Variants in BAZ2B observed in about 807,000 individuals in gnomAD.
The protein encoded by BAZ2B is bromodomain adjacent to zinc finger domain 2B, also known as bromodomain adjacent to zinc finger domain protein 2B.
Under a neutral mutation model 246.0 loss-of-function variants are expected in BAZ2B, and 91 were observed. The ratio of observed to expected loss-of-function variants is 0.37; its 90% CI spans 0.31 to 0.44. The LOEUF (loss-of-function observed/expected upper bound fraction) is 0.44, where lower values mean the gene tolerates loss of function less well. BAZ2B is among the 20% of genes least tolerant of loss of function. The probability of loss-of-function intolerance (pLI) is 1.00; values close to 1 mark genes in which losing one functional copy is unlikely to be tolerated. For synonymous variants in BAZ2B, 855 were observed against 860.0 expected (o/e 0.99, Z 0.10); for missense variants, 2,332 against 2,533.7 (o/e 0.92, Z 1.71).
At chr2:159,561,505 C>T (rs74572509) in intron 1 of BAZ2B, among the ~76,000 whole-genome samples, 141 of 152,288 alleles carry the variant, frequency 9.3e-4, no homozygotes, top group Middle Eastern at 3.4e-3. Context: ...TAGAGCAACA[C>T]AAAATAGACT....
At chr2:159,562,663 A>G (rs2089989745) in intron 1 of BAZ2B, among the ~76,000 whole-genome samples, 1 of 152,200 alleles carries the variant, frequency 6.6e-6, no homozygotes, top group Non-Finnish European at 1.5e-5. Flanking sequence ...TTTTAGTTAT[A>G]TATACTTTTA....
the BAZ2B span, among the ~76,000 whole-genome samples, chr2:159,658,354 G>A: frequency 2.6e-5 from 4 of 151,894 alleles, no homozygotes; most frequent in African/African-American, 4.8e-5. Flanking sequence ...TTTTTTCTGC[G>A]ACTGGGTCTC....
the BAZ2B span, among the ~76,000 whole-genome samples, chr2:159,628,286 C>G: frequency 6.6e-6 from 1 of 152,298 alleles, no homozygotes; most frequent in Middle Eastern, 3.4e-3. Flanking sequence ...ATCAAGCTAC[C>G]AGTGACTTTC....
At chr2:159,570,910 G>C (rs1187451042) in intron 1 of BAZ2B, among the ~76,000 whole-genome samples, 1 of 152,090 alleles carries the variant, frequency 6.6e-6, no homozygotes, top group African/African-American at 2.4e-5. Context: ...CTGGAGTGCA[G>C]TGGCACAATC....
At chr2:159,588,226 A>AAC (rs1553738343) in intron 1 of BAZ2B, among the ~76,000 whole-genome samples, 5 of 151,720 alleles carry the variant, frequency 3.3e-5, no homozygotes, top group African/African-American at 1.2e-4. Flanking sequence ...AAAAAAAAAA[A>AAC]AAAAAACCCC....
chr2:159,604,183 AT>A (rs1274741600), intron 1 of BAZ2B, among the ~76,000 whole-genome samples: 5 of 152,216 alleles, frequency 3.3e-5, no homozygotes, highest in Non-Finnish European at 5.9e-5. Context: ...AAACAGGCAA[AT>A]GACACAAATA....
chr2:159,566,568 C>CAACA (rs1219281047), intron 1 of BAZ2B, among the ~76,000 whole-genome samples: 151 of 152,340 alleles, frequency 9.9e-4, no homozygotes, highest in African/African-American at 3.4e-3. Flanking sequence ...CACCACCTTA[C>CAACA]AACAGGAGGC....
intron 2 of BAZ2B, among the ~76,000 whole-genome samples, chr2:159,490,792 G>T (rs1436106056): frequency 4.6e-5 from 7 of 152,144 alleles, no homozygotes; most frequent in Non-Finnish European, 1.0e-4. Context: ...GACACATAAA[G>T]AAATTAACAT....
At chr2:159,451,406 A>T (rs13002278) in intron 4 of BAZ2B, among the ~76,000 whole-genome samples, 2 of 152,062 alleles carry the variant, frequency 1.3e-5, no homozygotes, top group East Asian at 1.9e-4. Flanking sequence ...TTTACTGGGC[A>T]ATTTAAAAGT....
intron 2 of BAZ2B, among the ~76,000 whole-genome samples, chr2:159,508,803 C>T (rs2082605910): frequency 6.6e-6 from 1 of 152,086 alleles, no homozygotes; most frequent in African/African-American, 2.4e-5. Context: ...CAGGATGACC[C>T]ATTATATCTG....
At chr2:159,462,589 T>C (rs879020850) in intron 3 of BAZ2B, 4 of 873,266 alleles carry the variant, frequency 4.6e-6, no homozygotes, top group African/African-American at 3.3e-5. Context: ...TGGCAGTTTG[T>C]GCGTCATTCG....
the BAZ2B span, among the ~76,000 whole-genome samples, chr2:159,640,916 A>G: frequency 0.041 from 6,302 of 152,054 alleles, 417 homozygotes; most frequent in African/African-American, 0.14. Context: ...AATAAATGAA[A>G]TAGAAATGAA....
At position 159,405,096 on chromosome 2, in the gene BAZ2B, G is replaced by A; in HGVS notation, c.2696C>T (p.Ala899Val). 6.2e-7 allele frequency: 1 copy of A among 1,613,920 alleles called. No homozygotes were observed. Among genetic ancestry groups the A allele is most frequent in the Non-Finnish European group, 8.5e-7 (1 of 1,179,960 alleles). Residue 899 changes from alanine to valine, a missense_variant, in exon 15 of 37, where the codon GCA becomes GTA. Ala to Val is a moderately conservative substitution (Grantham distance 64). This residue lies in a region of BAZ2B where 651 missense variants were observed against 650.9 expected (regional missense o/e 1.00). Coordinates refer to ENST00000392783, the MANE Select transcript of BAZ2B (RefSeq NM_013450.4). ...LQAQEIARQA[A>V]QIKLLRKLQK... Reference sequence around the variant, plus strand: ...AAGTTTTCTCAAAAGCTTTATTTGTGCTGCTTGCCTGGCTATTTCTGAAAA... The same window carrying A: ...AAGTTTTCTCAAAAGCTTTATTTGTACTGCTTGCCTGGCTATTTCTGAAAA...
At chr2:159,400,405 G>A (rs956255884) in intron 17 of BAZ2B, among the ~76,000 whole-genome samples, 194 bp downstream of exon 17, 1 of 152,048 alleles carries the variant, frequency 6.6e-6, no homozygotes, top group African/African-American at 2.4e-5. Context: ...GCCTCATTTT[G>A]TATATCTTTA....
chr2:159,679,699 C>T, the BAZ2B span, among the ~76,000 whole-genome samples: 5 of 152,122 alleles, frequency 3.3e-5, no homozygotes, highest in Non-Finnish European at 5.9e-5. Context: ...ATTAAGAAGA[C>T]AATTATTCAT....
At chr2:159,441,750 A>C (rs1050952397) in intron 6 of BAZ2B, among the ~76,000 whole-genome samples, 2 of 152,166 alleles carry the variant, frequency 1.3e-5, no homozygotes, top group African/African-American at 4.8e-5. Flanking sequence ...CCTGGGCTCA[A>C]GCGATTCTCC....
At chr2:159,327,516 T>A (rs2063891075) in intron 34 of BAZ2B, among the ~76,000 whole-genome samples, 2 of 152,208 alleles carry the variant, frequency 1.3e-5, no homozygotes, top group Admixed American at 1.3e-4. Flanking sequence ...CATTTAGTTA[T>A]TTATATTCAT....
intron 2 of BAZ2B, among the ~76,000 whole-genome samples, chr2:159,487,578 C>T (rs1180557671): frequency 6.6e-6 from 1 of 152,136 alleles, no homozygotes; most frequent in Non-Finnish European, 1.5e-5. Context: ...CTTATTTCCT[C>T]ATGGTGATCA....
intron 27 of BAZ2B, among the ~76,000 whole-genome samples, chr2:159,352,567 C>T (rs1438789386): frequency 1.3e-5 from 2 of 151,730 alleles, no homozygotes; most frequent in Admixed American, 1.3e-4. Context: ...CTTACTGCAA[C>T]CTCGACCTAC....
Sources: gnomAD v4.1 joint callset for allele counts (sites outside exome capture counted in the v4.1 genomes callset) on GRCh38, gnomAD v4.1.1 for gene constraint, gnomAD v4.1.1 regional missense constraint, MANE v1.5 for transcripts, NCBI Gene and HGNC (gene_info 2026-07-23, HGNC 2026-07-21) for gene names.